The following CLYBL variants were observed in gnomAD, a reference collection of about 807,000 sequenced individuals.
CLYBL encodes the protein citramalyl-CoA lyase.
Under a neutral mutation model 38.9 loss-of-function variants are expected in CLYBL, and 31 were observed. The ratio of observed to expected loss-of-function variants is 0.80; its 90% CI spans 0.60 to 1.08. The LOEUF (loss-of-function observed/expected upper bound fraction) is 1.08, where lower values mean the gene tolerates loss of function less well. CLYBL is among the 50% of genes least tolerant of loss of function. CLYBL has a pLI of 0.00. For synonymous variants in CLYBL, 171 were observed against 158.6 expected, an observed-to-expected ratio of 1.08 and a Z score of -0.59; for missense variants, 434 against 411.6, an observed-to-expected ratio of 1.05 and a Z score of -0.47.
intron 2 of CLYBL, among the ~76,000 whole-genome samples, chr13:99,837,447 G>C (rs956802155): frequency 9.2e-5 from 14 of 152,144 alleles, no homozygotes; most frequent in African/African-American, 3.4e-4. Context: ...GCGAGACCCT[G>C]TCTCGAAAAT....
downstream of CLYBL, among the ~76,000 whole-genome samples, chr13:99,901,337 AAAC>A (rs1189378953): frequency 6.6e-6 from 1 of 152,246 alleles, no homozygotes; most frequent in Non-Finnish European, 1.5e-5. Context: ...GTAGGAAAGA[AAAC>A]AACAACACGG....
intron 1 of CLYBL, among the ~76,000 whole-genome samples, chr13:99,748,233 A>C (rs1352553432): frequency 6.6e-6 from 1 of 151,918 alleles, no homozygotes; most frequent in Non-Finnish European, 1.5e-5. Context: ...TACAAAAATT[A>C]GCCAGGCATG....
intron 2 of CLYBL, among the ~76,000 whole-genome samples, chr13:99,798,372 C>T (rs765178655): frequency 3.9e-5 from 6 of 152,166 alleles, no homozygotes; most frequent in Non-Finnish European, 8.8e-5. Context: ...TCTTCACTCA[C>T]TCAGCAAAAA....
intron 2 of CLYBL, among the ~76,000 whole-genome samples, chr13:99,808,094 G>A (rs551113926): frequency 5.9e-5 from 9 of 152,028 alleles, no homozygotes; most frequent in Non-Finnish European, 1.3e-4. Flanking sequence ...TTGTTTGTTT[G>A]TTTGTTTTTG....
At chr13:99,656,445 T>TCTAC (rs1229673872) in intron 1 of CLYBL, among the ~76,000 whole-genome samples, 1 of 152,212 alleles carries the variant, frequency 6.6e-6, no homozygotes, top group Non-Finnish European at 1.5e-5. Context: ...CGTCTACAGA[T>TCTAC]AGGTATATAT....
At chr13:99,748,637 C>T (rs1476055427) in intron 1 of CLYBL, among the ~76,000 whole-genome samples, 3 of 150,494 alleles carry the variant, frequency 2.0e-5, no homozygotes, top group Admixed American at 6.6e-5. Flanking sequence ...GATGGGGTTT[C>T]ACCATGTTGG....
downstream of CLYBL, chr13:99,896,730 T>C (rs1349977614): frequency 2.0e-5 from 3 of 152,286 alleles, no homozygotes; most frequent in African/African-American, 7.2e-5. Context: ...TTTTTGGTTA[T>C]GAGTTTTGGC....
intron 1 of CLYBL, among the ~76,000 whole-genome samples, chr13:99,631,301 G>T (rs2046940206): frequency 6.6e-6 from 1 of 151,918 alleles, no homozygotes; most frequent in African/African-American, 2.4e-5. Flanking sequence ...CAGCCTGGGT[G>T]GCAGAGCCAG....
At chr13:99,859,618 C>A (rs1157113495) in intron 3 of CLYBL, among the ~76,000 whole-genome samples, 1 of 152,150 alleles carries the variant, frequency 6.6e-6, no homozygotes, top group Non-Finnish European at 1.5e-5. Flanking sequence ...CTAGTGCATC[C>A]TTTTTAAATT....
intron 1 of CLYBL, among the ~76,000 whole-genome samples, chr13:99,706,512 G>A (rs1033531336): frequency 2.0e-5 from 3 of 152,110 alleles, no homozygotes; most frequent in African/African-American, 7.2e-5. Flanking sequence ...TTGGATTATC[G>A]GTGCCCTGTT....
At chr13:99,757,777 C>T (rs1035245263) in intron 1 of CLYBL, among the ~76,000 whole-genome samples, 3 of 152,272 alleles carry the variant, frequency 2.0e-5, no homozygotes, top group African/African-American at 4.8e-5. Flanking sequence ...AACTTTTAAA[C>T]GTTCCATAGC....
chr13:99,733,471 T>C (rs1435034838), intron 1 of CLYBL, among the ~76,000 whole-genome samples: 1 of 152,220 alleles, frequency 6.6e-6, no homozygotes, highest in Non-Finnish European at 1.5e-5. Context: ...TTTGCCTATT[T>C]CCCTTGCTTT....
chr13:99,690,713 C>G (rs958464357), intron 1 of CLYBL: 2 of 152,190 alleles, frequency 1.3e-5, no homozygotes, highest in Non-Finnish European at 2.9e-5. Context: ...TAATATCAAA[C>G]TTACATATGA....
At chr13:99,834,735 T>A (rs2050896677) in intron 2 of CLYBL, among the ~76,000 whole-genome samples, 1 of 152,226 alleles carries the variant, frequency 6.6e-6, no homozygotes, top group African/African-American at 2.4e-5. Flanking sequence ...TAAGTCAGTC[T>A]AACTCTATGG....
chr13:99,840,073 C>T (rs558577974), intron 2 of CLYBL, among the ~76,000 whole-genome samples: 70 of 151,128 alleles, frequency 4.6e-4, no homozygotes, highest in Non-Finnish European at 8.3e-4. Flanking sequence ...CCCCACCCCA[C>T]GCTGGGAACT....
At chr13:99,787,316 GT>G (rs1479806930) in intron 2 of CLYBL, among the ~76,000 whole-genome samples, 7 of 152,074 alleles carry the variant, frequency 4.6e-5, no homozygotes, top group Non-Finnish European at 8.8e-5. Flanking sequence ...TTCTTCTAGG[GT>G]TTTTTATGGT....
Position 99,865,772 on chromosome 13 carries a change from G to A in CLYBL, c.635-468G>A, listed in dbSNP as rs575277081. Among the ~76,000 whole-genome samples the A allele has an allele frequency of 6.6e-6, 1 of 152,338 alleles. No homozygotes were observed. The highest frequency in any genetic ancestry group is 2.1e-4 in the South Asian group (1 of 4,822). ...CAAGTTCTCCATCCAGACAGACCCT[G>A]AAGCTGAAGCATTTGGCTCAGAACT... On this transcript the variant is annotated intron_variant, in intron 5 of 8. Coordinates refer to ENST00000339105, the MANE Select transcript of CLYBL (RefSeq NM_206808.5). The surrounding 1 kb of genome is among the most constrained non-coding windows in gnomAD (Gnocchi z 4.7).
intron 1 of CLYBL, among the ~76,000 whole-genome samples, chr13:99,766,053 A>G (rs992544107): frequency 4.6e-5 from 7 of 151,568 alleles, no homozygotes; most frequent in African/African-American, 1.7e-4. Context: ...GGGTCTCACT[A>G]TGTTGCCCAG....
At chr13:99,841,806 CTT>C (rs2051087127) in intron 2 of CLYBL, among the ~76,000 whole-genome samples, 1 of 134,980 alleles carries the variant, frequency 7.4e-6, no homozygotes. Context: ...CTTTTCTTTT[CTT>C]TTCCTTTTTT....
Sources: allele counts gnomAD v4.1 joint callset (sites outside exome capture counted in the v4.1 genomes callset), GRCh38; gene constraint gnomAD v4.1.1; non-coding constraint Gnocchi (gnomAD v3.1); transcripts MANE v1.5; gene names NCBI Gene and HGNC (gene_info 2026-07-23, HGNC 2026-07-21).